Variants in TCF12 observed in about 807,000 individuals in gnomAD.
The protein encoded by TCF12 is transcription factor 12, also known as DNA-binding protein HTF4.
In TCF12, 45 loss-of-function variants were observed where a neutral mutation model predicts 86.0. The ratio of observed to expected loss-of-function variants is 0.52; its 90% confidence interval spans 0.41 to 0.67. TCF12 has a LOEUF of 0.67. Ranked by LOEUF, TCF12 falls within the 30% of genes least tolerant of loss-of-function variation. The pLI, the probability that TCF12 is intolerant of heterozygous loss-of-function variation, is 0.00. For synonymous variants in TCF12, 330 were observed against 299.6 expected, an observed-to-expected ratio of 1.10 and a Z score of -1.05; for missense variants, 881 against 859.9, an observed-to-expected ratio of 1.02 and a Z score of -0.31.
chr15:57,259,804 T>G (rs1471611708), intron 16 of TCF12, among the ~76,000 whole-genome samples: 1 of 152,170 alleles, frequency 6.6e-6, no homozygotes, highest in Non-Finnish European at 1.5e-5. Context: ...GACAAAGAAC[T>G]GTTTATACAC....
chr15:57,087,143 C>G (rs2048700871), intron 4 of TCF12, among the ~76,000 whole-genome samples: 1 of 151,282 alleles, frequency 6.6e-6, no homozygotes, highest in South Asian at 2.1e-4. Context: ...ACCTTGGATA[C>G]AACAAAATAT....
intron 3 of TCF12, among the ~76,000 whole-genome samples, chr15:57,021,030 C>A (rs1242740954): frequency 1.3e-5 from 2 of 151,974 alleles, no homozygotes; most frequent in Admixed American, 1.3e-4. Flanking sequence ...TACTTCTTTC[C>A]CTATATATTC....
intron 3 of TCF12, among the ~76,000 whole-genome samples, chr15:57,007,214 A>G (rs1402001757): frequency 6.6e-6 from 1 of 152,202 alleles, no homozygotes; most frequent in Non-Finnish European, 1.5e-5. Flanking sequence ...TCTGCAAGAA[A>G]CAGTAAACCA....
chr15:56,939,669 A>G, intron 3 of TCF12, among the ~76,000 whole-genome samples: 1 of 152,076 alleles, frequency 6.6e-6, no homozygotes, highest in East Asian at 1.9e-4. Context: ...AGGGTTGGAG[A>G]TGTGTGATAG....
chr15:57,170,652 T>TATATAATATATTATATATATTA (rs1491144597), intron 6 of TCF12, among the ~76,000 whole-genome samples: 1 of 44,944 alleles, frequency 2.2e-5, no homozygotes, highest in African/African-American at 9.7e-5. Context: ...AATATATATA[T>TATATAATATATTATATATATTA]TATATAAAAT....
At chr15:56,935,828 A>T (rs376262621) in intron 3 of TCF12, among the ~76,000 whole-genome samples, 2 of 152,196 alleles carry the variant, frequency 1.3e-5, no homozygotes, top group Admixed American at 6.5e-5. Context: ...ATGGCTGCAC[A>T]GTATTCTATC....
intron 3 of TCF12, among the ~76,000 whole-genome samples, chr15:56,951,190 C>T (rs1472341115): frequency 6.6e-6 from 1 of 152,102 alleles, no homozygotes; most frequent in Non-Finnish European, 1.5e-5. Flanking sequence ...TTCAGTTCCT[C>T]TATATACTTT....
chr15:57,139,384 A>G (rs1243663241), intron 5 of TCF12, among the ~76,000 whole-genome samples: 1 of 152,232 alleles, frequency 6.6e-6, no homozygotes, highest in Non-Finnish European at 1.5e-5. Context: ...ATCATCATAC[A>G]TATAACTAGA....
At chr15:57,217,224 TCTTA>T (rs1326081109) in intron 8 of TCF12, among the ~76,000 whole-genome samples, 2 of 152,188 alleles carry the variant, frequency 1.3e-5, no homozygotes, top group African/African-American at 4.8e-5. Context: ...TAACACTAAA[TCTTA>T]CTTAGGTGTT....
At chr15:57,207,162 G>A (rs1384983499) in intron 8 of TCF12, among the ~76,000 whole-genome samples, 4 of 152,044 alleles carry the variant, frequency 2.6e-5, no homozygotes, top group Non-Finnish European at 5.9e-5. Context: ...GGCAGCTTGG[G>A]AATCGGTTCC....
intron 6 of TCF12, among the ~76,000 whole-genome samples, chr15:57,169,669 T>C (rs543606782): frequency 6.6e-6 from 1 of 151,702 alleles, no homozygotes; most frequent in Non-Finnish European, 1.5e-5. Flanking sequence ...GGGCTAATGT[T>C]AACATTACTG....
intron 3 of TCF12, among the ~76,000 whole-genome samples, chr15:57,002,763 GATAA>G (rs1476053742): frequency 1.3e-5 from 2 of 152,206 alleles, no homozygotes; most frequent in Admixed American, 6.5e-5. Flanking sequence ...CGTTTAAACA[GATAA>G]ATAAAGCAGA....
chr15:57,088,995 C>A (rs1326075798), intron 4 of TCF12, among the ~76,000 whole-genome samples: 1 of 152,140 alleles, frequency 6.6e-6, no homozygotes, highest in East Asian at 1.9e-4. Context: ...GGTATTACTA[C>A]TACTGTGTGA....
At chr15:56,949,843 A>G (rs1490046432) in intron 3 of TCF12, among the ~76,000 whole-genome samples, 2 of 152,188 alleles carry the variant, frequency 1.3e-5, no homozygotes, top group African/African-American at 4.8e-5. Flanking sequence ...TAAAGCAGCT[A>G]CTTGTGTCTA....
chr15:57,256,576 T>C (rs1246757796), intron 16 of TCF12, among the ~76,000 whole-genome samples: 1 of 82,096 alleles, frequency 1.2e-5, no homozygotes, highest in Non-Finnish European at 2.7e-5. Context: ...CCCCACCTTG[T>C]TTTTGGTCTC....
chr15:57,178,241 A>G (rs570730170), intron 6 of TCF12, among the ~76,000 whole-genome samples: 27 of 152,340 alleles, frequency 1.8e-4, no homozygotes, highest in Non-Finnish European at 3.5e-4. Context: ...GCTGGGTGAT[A>G]GGTACATGAA....
Position 57,204,948 on chromosome 15 carries a change from A to G in TCF12, c.579+7123A>G, listed in dbSNP as rs377750082. The stretch of plus-strand genomic sequence containing the variant: ...TGAAAATAGTAAGATGAGCAGCAAG[A>G]AAAATACTCTGTGAGTAGAGTCGTA... On this transcript the variant is annotated intron_variant, in intron 8 of 20. Transcript: ENST00000333725. Among the ~76,000 whole-genome samples the G allele has an allele frequency of 3.3e-5, 5 of 152,332 alleles. No individual in the cohort carries two copies. In the East Asian group the frequency reaches 9.6e-4, roughly 29 times the overall value.
At chr15:57,075,774 C>CTT (rs1294155885) in intron 4 of TCF12, among the ~76,000 whole-genome samples, 19 of 49,716 alleles carry the variant, frequency 3.8e-4, no homozygotes, top group Non-Finnish European at 6.0e-4. Flanking sequence ...TTCTTTCTTT[C>CTT]TTTCTTTCTT....
At chr15:57,163,872 T>C (rs1188204700) in intron 5 of TCF12, among the ~76,000 whole-genome samples, 2 of 152,208 alleles carry the variant, frequency 1.3e-5, no homozygotes, top group Non-Finnish European at 2.9e-5. Context: ...AACTGCCAAC[T>C]TAGAATGACT....
Sources: allele counts gnomAD v4.1 joint callset (sites outside exome capture counted in the v4.1 genomes callset), GRCh38; gene constraint gnomAD v4.1.1; transcripts MANE v1.5; gene names NCBI Gene and HGNC (gene_info 2026-07-23, HGNC 2026-07-21).